BCCIP: variants seen among roughly 807,000 people sequenced by gnomAD.
BCCIP encodes the protein BRCA2 and CDKN1A-interacting protein.
BCCIP carries 23 observed loss-of-function variants against 32.8 expected under a neutral mutation model. That is an observed-to-expected ratio of 0.70 (90% CI 0.51 to 0.99). BCCIP has a LOEUF of 0.99. Ranked by LOEUF, BCCIP falls within the 50% of genes least tolerant of loss-of-function variation. The probability of loss-of-function intolerance (pLI) is 0.00; values close to 1 mark genes in which losing one functional copy is unlikely to be tolerated. For synonymous variants in BCCIP, 144 were observed against 137.6 expected (o/e 1.05, Z -0.33); for missense variants, 378 against 379.8 (o/e 1.00, Z 0.04).
chr10:125,853,086 A>G (rs1180226946), intron 7 of BCCIP: 1 of 1,443,964 alleles, frequency 6.9e-7, no homozygotes, highest in East Asian at 2.3e-5. Context: ...CAGCTAATAC[A>G]GAAACTGCGT....
chr10:125,838,224 G>T, downstream of BCCIP: 1 of 1,606,212 alleles, frequency 6.2e-7, no homozygotes, highest in Non-Finnish European at 8.5e-7. Context: ...AGAGATTTCT[G>T]AGGTAATCCT....
downstream of BCCIP, among the ~76,000 whole-genome samples, chr10:125,838,650 T>C (rs576574591): frequency 6.6e-6 from 1 of 152,126 alleles, no homozygotes; most frequent in Non-Finnish European, 1.5e-5. Context: ...GTTTTGGCCA[T>C]GAGATGAAAC....
chr10:125,835,895 CTCA>C (rs1272997764), intron 6 of BCCIP, among the ~76,000 whole-genome samples: 1 of 152,212 alleles, frequency 6.6e-6, no homozygotes, highest in African/African-American at 2.4e-5. Context: ...ATCCCTGTTC[CTCA>C]TGTGGGTTTA....
downstream of BCCIP, chr10:125,838,950 G>T: frequency 6.5e-7 from 1 of 1,547,232 alleles, no homozygotes. Flanking sequence ...CATATCCTGA[G>T]TATGTGCAAT....
At chr10:125,853,284 G>A in exon 8 of BCCIP, 1 of 1,244,412 alleles carries the variant, frequency 8.0e-7, no homozygotes, top group Non-Finnish European at 1.1e-6. Context: ...CTCCTGGAGG[G>A]ATAAAACATC....
In BCCIP at chr10:125,833,750, ATGT is replaced by A. The variant is rs751017251; in HGVS notation, c.600-18_600-16del. Reference sequence around the variant, plus strand: ...TTCACTTGACCCAGCAGGTAAACAAATGTTGTGTGTGTGCCTTGCAGGAAAGAA... The same window carrying A: ...TTCACTTGACCCAGCAGGTAAACAAATGTGTGTGTGCCTTGCAGGAAAGAA... On this transcript the variant is annotated intron_variant, in intron 5 of 6. Coordinates refer to ENST00000278100, the MANE Select transcript of BCCIP (RefSeq NM_078468.3). The A allele has an allele frequency of 1.2e-5, 20 of 1,611,616 alleles. No homozygotes were observed. In the East Asian group the frequency reaches 1.8e-4, roughly 14 times the overall value.
At position 125,831,443 on chromosome 10, in the gene BCCIP, T is replaced by A; in HGVS notation, c.435T>A (p.Ile145=). 1.2e-6 allele frequency: 2 copies of A among 1,614,056 alleles called. No individual in the cohort carries two copies. The highest frequency in any genetic ancestry group is 1.7e-6 in the Non-Finnish European group (2 of 1,179,964). Residue 145 remains isoleucine, a synonymous_variant, in exon 5 of 7, where the codon ATT becomes ATA. Coordinates refer to ENST00000278100, the MANE Select transcript of BCCIP (RefSeq NM_078468.3). ...ERKGTQCVEQ[I]QELVLRFCEK... ...AGGGTACCCAGTGTGTTGAACAAATTCAAGAGTTGGTTCTACGCTTCTGTG... is the reference window on the plus strand; with the variant it reads ...AGGGTACCCAGTGTGTTGAACAAATACAAGAGTTGGTTCTACGCTTCTGTG...
chr10:125,835,279 CAT>C (rs748964833), intron 6 of BCCIP, among the ~76,000 whole-genome samples: 42 of 151,440 alleles, frequency 2.8e-4, no homozygotes, highest in Non-Finnish European at 4.4e-4. Flanking sequence ...AAATAGTAAA[CAT>C]AATTTTTAAA....
downstream of BCCIP, among the ~76,000 whole-genome samples, chr10:125,844,911 A>C (rs746204358): frequency 6.6e-6 from 1 of 152,218 alleles, no homozygotes; most frequent in African/African-American, 2.4e-5. Context: ...CTCCTCCACT[A>C]CCATCACTCA....
At chr10:125,849,926 T>C (rs1944068565) in intron 7 of BCCIP, among the ~76,000 whole-genome samples, 1 of 152,088 alleles carries the variant, frequency 6.6e-6, no homozygotes, top group African/African-American at 2.4e-5. Flanking sequence ...AATCCTCTGG[T>C]GAAAGATCTG....
At chr10:125,827,473 C>T (rs1854424619) in intron 2 of BCCIP, 85 bp from the exon 3 acceptor site, 1 of 927,070 alleles carries the variant, frequency 1.1e-6, no homozygotes, top group African/African-American at 1.7e-5. Context: ...ACAGAAATTT[C>T]ATTGTTTGTA....
chr10:125,840,831 C>T (rs1342551943), downstream of BCCIP: 2 of 1,558,446 alleles, frequency 1.3e-6, no homozygotes, highest in Admixed American at 3.8e-5. Context: ...TAGGTAGTTT[C>T]TGAGCATTCA....
intron 7 of BCCIP, among the ~76,000 whole-genome samples, chr10:125,848,798 A>G (rs761297716): frequency 6.6e-6 from 1 of 152,128 alleles, no homozygotes; most frequent in South Asian, 2.1e-4. Flanking sequence ...AGCATTTACT[A>G]TACACCAGTC....
At chr10:125,826,888 T>A (rs1803476339) in intron 2 of BCCIP, among the ~76,000 whole-genome samples, 1 of 151,686 alleles carries the variant, frequency 6.6e-6, no homozygotes, top group Non-Finnish European at 1.5e-5. Flanking sequence ...TAGTCCTAAC[T>A]CCTCAGGAGG....
At chr10:125,830,455 G>A (rs1854496149) in intron 3 of BCCIP, 107 bp from the exon 4 acceptor site, 4 of 606,694 alleles carry the variant, frequency 6.6e-6, no homozygotes, top group Non-Finnish European at 1.1e-5. Context: ...ACAAAGTTTT[G>A]CTTTTGAAAA....
intron 7 of BCCIP, among the ~76,000 whole-genome samples, chr10:125,850,222 C>T (rs892335383): frequency 6.6e-6 from 1 of 151,940 alleles, no homozygotes; most frequent in South Asian, 2.1e-4. Context: ...AAGCAGTTCT[C>T]CCACCTCAGC....
rs962603638 is a variant in BCCIP at position 125,830,761 on chromosome 10, G to C, written c.411+110G>C. The C allele has an allele frequency of 5.8e-6, 4 of 685,310 alleles. No individual in the cohort carries two copies. In the African/African-American group the frequency reaches 7.2e-5, roughly 12 times the overall value. The allele number at this position is 685,310 out of a possible 1,614,324, so 42.5% of individuals were successfully genotyped here. On this transcript the variant is annotated intron_variant, in intron 4 of 6. Transcript: ENST00000278100. ...GTTAAACAGTGATATTAACTATAGG[G>C]ATAAGTGCTCTTGTGAAATCTTATT... is the stretch of plus-strand genomic sequence containing the variant.
At chr10:125,840,570 C>T (rs981557469), downstream of BCCIP, among the ~76,000 whole-genome samples, 1 of 152,216 alleles carries the variant, frequency 6.6e-6, no homozygotes, top group Non-Finnish European at 1.5e-5. Context: ...GTCACCATGC[C>T]CCAAGCAAGC....
chr10:125,837,211 T>C (rs192575647), downstream of BCCIP, among the ~76,000 whole-genome samples: 12 of 152,270 alleles, frequency 7.9e-5, no homozygotes, highest in Admixed American at 2.0e-4. Context: ...AGAGGGGGTA[T>C]CTTTGCTTCT....
Sources: allele counts gnomAD v4.1 joint callset (sites outside exome capture counted in the v4.1 genomes callset), GRCh38; gene constraint gnomAD v4.1.1; transcripts MANE v1.5; gene names NCBI Gene and HGNC (gene_info 2026-07-23, HGNC 2026-07-21).